The following HEPH variants were observed in gnomAD, a reference collection of about 807,000 sequenced individuals.
HEPH encodes the protein hephaestin.
In HEPH, 69 loss-of-function variants were observed where a neutral mutation model predicts 80.8. The observed-to-expected ratio is 0.85, with a 90% CI of 0.70 to 1.04. The LOEUF (loss-of-function observed/expected upper bound fraction) is 1.04. HEPH is among the 50% of genes least tolerant of loss of function. HEPH has a pLI of 0.00. For missense variants in HEPH, 1,115 were observed against 891.3 expected, an observed-to-expected ratio of 1.25 and a Z score of -3.20; for synonymous variants, 431 against 322.8, an observed-to-expected ratio of 1.34 and a Z score of -3.60.
intron 11 of HEPH, 154 bp from the exon 12 acceptor site, chrX:66,200,386 A>T: frequency 2.2e-6 from 1 of 457,764 alleles, no homozygotes; most frequent in Non-Finnish European, 3.8e-6. Context: ...GAGTAGAGTT[A>T]AAGTGGCATA....
intron 15 of HEPH, among the ~76,000 whole-genome samples, chrX:66,218,296 C>T (rs771579139): frequency 8.9e-6 from 1 of 111,751 alleles, no homozygotes; most frequent in Non-Finnish European, 1.9e-5. Flanking sequence ...CCAAGATAGA[C>T]AAAACAAGTC....
chrX:66,268,522 G>A (rs139633314), downstream of HEPH: 1 of 111,866 alleles, frequency 8.9e-6, no homozygotes, highest in Non-Finnish European at 1.9e-5. Context: ...CAGCAGAACT[G>A]TTTTGGCCTG....
At chrX:66,260,856 T>C (rs1329891982) in intron 19 of HEPH, among the ~76,000 whole-genome samples, 1 of 110,591 alleles carries the variant, frequency 9.0e-6, no homozygotes, top group Admixed American at 9.6e-5. Context: ...AGCCTCAGAC[T>C]CTTAGACTCA....
At chrX:66,179,748 A>G (rs12015400) in intron 4 of HEPH, among the ~76,000 whole-genome samples, 17,004 of 110,323 alleles carry the variant, frequency 0.15, 1,221 homozygotes, top group African/African-American at 0.27. Flanking sequence ...ATTGTTTTAT[A>G]AATTTGGGAG....
chrX:66,193,650 T>A lies in HEPH; in HGVS notation c.1369+12T>A. Reference sequence around the variant, plus strand: ...TCTTGGAATCCTGGGTGAGGAATTTTTAAATTATGAAATTCATTTACTAGA... The same window carrying A: ...TCTTGGAATCCTGGGTGAGGAATTTATAAATTATGAAATTCATTTACTAGA... On this transcript the variant is annotated intron_variant, in intron 8 of 20. Transcript: ENST00000343002. The A allele has an allele frequency of 8.6e-7, 1 of 1,163,005 alleles. No individual in the cohort carries two copies. The highest frequency in any genetic ancestry group is 1.2e-6 in the Non-Finnish European group (1 of 865,440).
chrX:66,191,735 A>G (rs1405775305), intron 6 of HEPH, among the ~76,000 whole-genome samples: 1 of 111,711 alleles, frequency 9.0e-6, no homozygotes, highest in African/African-American at 3.3e-5. Flanking sequence ...GGATTTTCCT[A>G]TTCTCTCCTT....
chrX:66,237,314 A>G (rs973893042), intron 15 of HEPH, among the ~76,000 whole-genome samples: 12 of 111,340 alleles, frequency 1.1e-4, no homozygotes, highest in African/African-American at 3.9e-4. Context: ...TGTCCCAGAG[A>G]TTCTGTAATG....
At chrX:66,167,062 A>T (rs1350350472) in intron 1 of HEPH, among the ~76,000 whole-genome samples, 1 of 111,987 alleles carries the variant, frequency 8.9e-6, no homozygotes, top group African/African-American at 3.2e-5. Context: ...TGAGGTAGCT[A>T]ATAGTATTAA....
chrX:66,239,209 G>A (rs992507560), intron 15 of HEPH, among the ~76,000 whole-genome samples: 37 of 111,896 alleles, frequency 3.3e-4, no homozygotes, highest in Non-Finnish European at 9.4e-5. Flanking sequence ...GAATTTCAGA[G>A]GCCCGTGGTG....
chrX:66,201,677 A>T (rs2088461308), intron 12 of HEPH, among the ~76,000 whole-genome samples: 1 of 111,586 alleles, frequency 9.0e-6, no homozygotes, highest in Non-Finnish European at 1.9e-5. Flanking sequence ...TCTGGGGGGA[A>T]AAACATCCTT....
intron 15 of HEPH, among the ~76,000 whole-genome samples, chrX:66,250,404 C>T (rs2090960707): frequency 1.8e-5 from 2 of 111,366 alleles, no homozygotes; most frequent in African/African-American, 6.5e-5. Flanking sequence ...TTAAGTCTTA[C>T]AGTATAATTG....
At chrX:66,167,425 G>A (rs5965105) in intron 1 of HEPH, among the ~76,000 whole-genome samples, 43,388 of 111,095 alleles carry the variant, frequency 0.39, 9,539 homozygotes, top group African/African-American at 0.86. Context: ...AATATTTTCA[G>A]TTTTATCATG....
chrX:66,229,029 G>C (rs578087301), intron 15 of HEPH, among the ~76,000 whole-genome samples: 1 of 112,106 alleles, frequency 8.9e-6, no homozygotes, highest in Non-Finnish European at 1.9e-5. Flanking sequence ...CCACTCCTGC[G>C]TATCTACCCA....
At chrX:66,214,535 G>A (rs1281717499) in intron 15 of HEPH, among the ~76,000 whole-genome samples, 1 of 111,226 alleles carries the variant, frequency 9.0e-6, no homozygotes, top group Non-Finnish European at 1.9e-5. Context: ...TGGCCTCATA[G>A]TTTGTGCTTT....
chrX:66,192,744 A>C (rs764793300), intron 7 of HEPH, among the ~76,000 whole-genome samples: 1 of 111,872 alleles, frequency 8.9e-6, no homozygotes, highest in East Asian at 2.8e-4. Flanking sequence ...GAAATGTAGG[A>C]AGAGAGGCAG....
chrX:66,217,283 A>G (rs2089440042), intron 15 of HEPH, among the ~76,000 whole-genome samples: 1 of 111,220 alleles, frequency 9.0e-6, no homozygotes, highest in Non-Finnish European at 1.9e-5. Context: ...TTGGGAGGCA[A>G]AAGCACCAGG....
At chrX:66,197,271 A>G (rs959301128) in intron 9 of HEPH, among the ~76,000 whole-genome samples, 2 of 110,795 alleles carry the variant, frequency 1.8e-5, no homozygotes, top group Admixed American at 9.7e-5. Context: ...TTAAATAATC[A>G]GAGCTGTTCA....
intron 15 of HEPH, among the ~76,000 whole-genome samples, chrX:66,233,337 G>A (rs1394688521): frequency 9.0e-6 from 1 of 111,407 alleles, no homozygotes; most frequent in Non-Finnish European, 1.9e-5. Flanking sequence ...AGCCTGTTTT[G>A]AGGCCCCAGA....
In HEPH at chrX:66,198,942, G is replaced by A; in HGVS notation, c.1778G>A (p.Ser593Asn). Reference sequence around the variant, plus strand: ...TTGGATGAGAACAAGAGCTGGTACAGCAATGCCAATCAAGCAGCTGCTATG... The same window carrying A: ...TTGGATGAGAACAAGAGCTGGTACAACAATGCCAATCAAGCAGCTGCTATG... The part of the protein sequence containing the change: ...TVLDENKSWY[S>N]NANQAAAMLD... Residue 593 changes from serine to asparagine, a missense_variant, in exon 11 of 21, where the codon AGC (serine) becomes AAC (asparagine). Physicochemically the swap from Ser to Asn is conservative, Grantham distance 46. Around this residue, in one of 3 missense-constraint regions of HEPH, gnomAD observed 716 missense variants for 523.5 expected, o/e 1.37. Coordinates refer to ENST00000343002, the MANE Select transcript of HEPH (RefSeq NM_001367233.3). 6 of 1,204,637 alleles carry A rather than the reference G, an allele frequency of 5.0e-6. No individual in the cohort carries two copies. Among genetic ancestry groups the A allele is most frequent in the South Asian group, 1.8e-5 (1 of 56,842 alleles).
Sources: gnomAD v4.1 joint callset for allele counts (sites outside exome capture counted in the v4.1 genomes callset) on GRCh38, gnomAD v4.1.1 for gene constraint, gnomAD v4.1.1 regional missense constraint, MANE v1.5 for transcripts, NCBI Gene and HGNC (gene_info 2026-07-23, HGNC 2026-07-21) for gene names.